Variants in RNF150 observed in about 807,000 individuals in gnomAD.
The protein encoded by RNF150 is ring finger protein 150.
Under a neutral mutation model 39.3 loss-of-function variants are expected in RNF150, and 24 were observed. That is an observed-to-expected ratio of 0.61 (90% CI 0.44 to 0.86). The LOEUF (loss-of-function observed/expected upper bound fraction) is 0.86. Among genes scored for constraint, RNF150 ranks in the 40% least tolerant of loss-of-function variants. The probability of loss-of-function intolerance (pLI) is 0.00; values close to 1 mark genes in which losing one functional copy is unlikely to be tolerated. For missense variants in RNF150, 502 were observed against 587.8 expected, an observed-to-expected ratio of 0.85 and a Z score of 1.51; for synonymous variants, 255 against 227.3, an observed-to-expected ratio of 1.12 and a Z score of -1.10.
intron 2 of RNF150, among the ~76,000 whole-genome samples, chr4:140,957,965 G>A (rs1349934487): frequency 6.6e-6 from 1 of 151,816 alleles, no homozygotes; most frequent in African/African-American, 2.4e-5. Flanking sequence ...AGTGGGTGTA[G>A]CGCACCAGCA....
At chr4:140,881,486 T>TC (rs1233538340) in intron 6 of RNF150, among the ~76,000 whole-genome samples, 1 of 152,140 alleles carries the variant, frequency 6.6e-6, no homozygotes, top group South Asian at 2.1e-4. Flanking sequence ...TTTTGTTGCC[T>TC]CCCATAAGTC....
At chr4:141,200,938 T>C (rs532911403) in intron 1 of RNF150, among the ~76,000 whole-genome samples, 4 of 152,276 alleles carry the variant, frequency 2.6e-5, no homozygotes, top group African/African-American at 9.6e-5. Flanking sequence ...AGATCTATTT[T>C]ACTAGTTAGG....
intron 1 of RNF150, among the ~76,000 whole-genome samples, chr4:141,175,886 CTATCTT>C (rs992635316): frequency 2.0e-5 from 3 of 151,816 alleles, no homozygotes; most frequent in Admixed American, 1.3e-4. Flanking sequence ...TCTTGTAACT[CTATCTT>C]TATTTTTTTT....
chr4:140,906,877 G>A (rs1730397911), intron 6 of RNF150, among the ~76,000 whole-genome samples: 1 of 152,178 alleles, frequency 6.6e-6, no homozygotes. Context: ...AGTGCTAGAG[G>A]ACTTGTGTAG....
At chr4:140,913,025 G>A (rs1730674669) in intron 5 of RNF150, among the ~76,000 whole-genome samples, 2 of 151,058 alleles carry the variant, frequency 1.3e-5, no homozygotes, top group Middle Eastern at 6.8e-3. Flanking sequence ...TGTAATCCCA[G>A]CACTTTGGGA....
intron 1 of RNF150, among the ~76,000 whole-genome samples, chr4:141,139,255 G>A (rs967469941): frequency 6.6e-6 from 1 of 152,208 alleles, no homozygotes; most frequent in African/African-American, 2.4e-5. Flanking sequence ...ATGTTTATAT[G>A]GTTGCCATCT....
chr4:141,089,878 A>T (rs140956059), intron 1 of RNF150, among the ~76,000 whole-genome samples: 1 of 152,330 alleles, frequency 6.6e-6, no homozygotes, highest in African/African-American at 2.4e-5. Flanking sequence ...TTCTGCTCTC[A>T]GGCCTATTGT....
At chr4:141,053,690 G>A (rs1736863468) in intron 1 of RNF150, 3 of 1,407,688 alleles carry the variant, frequency 2.1e-6, no homozygotes, top group South Asian at 3.2e-5. Flanking sequence ...TATGGGCATG[G>A]TGAAATCAGC....
At chr4:141,137,916 C>T (rs1727051612), upstream of RNF150, among the ~76,000 whole-genome samples, 1 of 152,122 alleles carries the variant, frequency 6.6e-6, no homozygotes, top group Admixed American at 6.5e-5. Context: ...AGTAGGTTTC[C>T]AGAGGGCTCT....
At chr4:140,920,790 A>G (rs1731088816) in intron 5 of RNF150, among the ~76,000 whole-genome samples, 1 of 151,772 alleles carries the variant, frequency 6.6e-6, no homozygotes, top group Non-Finnish European at 1.5e-5. Flanking sequence ...ACCAACCCAA[A>G]TGTCCAACAA....
chr4:141,170,614 G>A (rs376473450), intron 1 of RNF150, among the ~76,000 whole-genome samples: 3 of 152,070 alleles, frequency 2.0e-5, no homozygotes, highest in Admixed American at 6.6e-5. Flanking sequence ...TATTTTTTCT[G>A]AGATAGGGTC....
intron 1 of RNF150, among the ~76,000 whole-genome samples, chr4:141,158,371 T>C (rs1277546521): frequency 6.6e-6 from 1 of 152,126 alleles, no homozygotes; most frequent in Non-Finnish European, 1.5e-5. Flanking sequence ...GTAATCTTTT[T>C]TCAGGAGAGG....
chr4:140,871,599 C>T (rs184507593), intron 6 of RNF150, among the ~76,000 whole-genome samples: 1 of 152,096 alleles, frequency 6.6e-6, no homozygotes, highest in East Asian at 1.9e-4. Context: ...AACCAAAGAG[C>T]TCATAATGGA....
chr4:140,869,434 A>G (rs1560940475), intron 6 of RNF150, among the ~76,000 whole-genome samples: 1 of 152,224 alleles, frequency 6.6e-6, no homozygotes, highest in African/African-American at 2.4e-5. Context: ...ATACTCTTCA[A>G]TGAACATACA....
chr4:141,209,654 T>C (rs1728431286), intron 1 of RNF150, among the ~76,000 whole-genome samples: 2 of 152,154 alleles, frequency 1.3e-5, no homozygotes, highest in Admixed American at 1.3e-4. Context: ...CTTGTCTTTT[T>C]AAATTTATTA....
chr4:140,988,087 A>G (rs1206035321), intron 1 of RNF150, among the ~76,000 whole-genome samples: 2 of 152,210 alleles, frequency 1.3e-5, no homozygotes, highest in African/African-American at 2.4e-5. Flanking sequence ...GCTGTGATTA[A>G]AAAGTCAAAA....
chr4:140,924,812 C>T (rs966634690), intron 5 of RNF150, among the ~76,000 whole-genome samples: 1 of 152,188 alleles, frequency 6.6e-6, no homozygotes, highest in African/African-American at 2.4e-5. Context: ...TATAGTCACA[C>T]AAGTTGATGT....
At chr4:140,943,867 T>C (rs1560979873) in intron 4 of RNF150, among the ~76,000 whole-genome samples, 1 of 152,140 alleles carries the variant, frequency 6.6e-6, no homozygotes, top group East Asian at 1.9e-4. Flanking sequence ...AAAAAAACAG[T>C]AGTAGAAACT....
chr4:141,169,158 G>C (rs1727657615), intron 1 of RNF150, among the ~76,000 whole-genome samples: 1 of 152,080 alleles, frequency 6.6e-6, no homozygotes, highest in Non-Finnish European at 1.5e-5. Flanking sequence ...CAATTGTTTA[G>C]CCCCATCCCC....
Sources: allele counts gnomAD v4.1 joint callset (sites outside exome capture counted in the v4.1 genomes callset), GRCh38; gene constraint gnomAD v4.1.1; transcripts MANE v1.5; gene names NCBI Gene and HGNC (gene_info 2026-07-23, HGNC 2026-07-21).